Variants in ATP6V0D1 observed in about 807,000 individuals in gnomAD.
The protein encoded by ATP6V0D1 is ATPase H+ transporting V0 subunit d1.
Under a neutral mutation model 39.0 loss-of-function variants are expected in ATP6V0D1, and 13 were observed. That is an observed-to-expected ratio of 0.33 (90% confidence interval 0.22 to 0.53). The LOEUF (loss-of-function observed/expected upper bound fraction) is 0.53. ATP6V0D1 is among the 20% of genes least tolerant of loss of function. The pLI is 0.94. For missense variants in ATP6V0D1, 272 were observed against 470.9 expected (o/e 0.58, Z 3.91); for synonymous variants, 191 against 191.2 (o/e 1.00, Z 0.01).
chr16:67,473,725 G>A (rs565245297), intron 1 of ATP6V0D1, among the ~76,000 whole-genome samples: 3 of 152,112 alleles, frequency 2.0e-5, no homozygotes, highest in South Asian at 2.1e-4. Context: ...GGGTTTCACC[G>A]CATTAGCCAG....
intron 2 of ATP6V0D1, among the ~76,000 whole-genome samples, chr16:67,452,900 A>G (rs1241906678): frequency 6.6e-6 from 1 of 152,222 alleles, no homozygotes; most frequent in Non-Finnish European, 1.5e-5. Flanking sequence ...CAGACAATGA[A>G]GAAGCTGGGG....
chr16:67,471,132 C>T (rs867523510), intron 1 of ATP6V0D1, among the ~76,000 whole-genome samples: 5 of 152,304 alleles, frequency 3.3e-5, no homozygotes, highest in Middle Eastern at 6.8e-3. Context: ...CATATATACA[C>T]TGTGTAATGA....
At chr16:67,470,480 T>C (rs553520604) in intron 1 of ATP6V0D1, among the ~76,000 whole-genome samples, 72 of 152,332 alleles carry the variant, frequency 4.7e-4, no homozygotes, top group African/African-American at 1.6e-3. Context: ...GGTGTCCTCG[T>C]TAGGCCACAC....
chr16:67,452,356 C>T, intron 2 of ATP6V0D1: 1 of 1,535,724 alleles, frequency 6.5e-7, no homozygotes, highest in Non-Finnish European at 8.7e-7. Context: ...GCCTCTGACT[C>T]CTGCCTGAGA....
chr16:67,452,469 C>G, intron 2 of ATP6V0D1: 1 of 1,444,282 alleles, frequency 6.9e-7, no homozygotes, highest in Non-Finnish European at 9.4e-7. Context: ...GCATCTAACT[C>G]TGTCCCTGCA....
chr16:67,455,483 T>C (rs1567538097), intron 1 of ATP6V0D1: 1 of 152,184 alleles, frequency 6.6e-6, no homozygotes, highest in Non-Finnish European at 1.5e-5. Flanking sequence ...ATGACCTCTG[T>C]GGCTCCTGGG....
intron 1 of ATP6V0D1, among the ~76,000 whole-genome samples, chr16:67,460,039 G>A (rs1463766902): frequency 1.3e-5 from 2 of 152,234 alleles, no homozygotes; most frequent in Non-Finnish European, 2.9e-5. Flanking sequence ...CTCTCCTGGG[G>A]AGCTCAGGGG....
Position 67,453,729 on chromosome 16 carries a change from GTAGGGGGTAAGGGCTAGCC to G in ATP6V0D1, c.131-33_131-15del. The G allele has an allele frequency of 1.2e-6, 2 of 1,612,984 alleles. No individual in the cohort carries two copies. The highest frequency in any genetic ancestry group is 1.7e-6 in the Non-Finnish European group (2 of 1,179,684). ...GCAGTTTCAAGTCTGAAACCCAAGG[GTAGGGGGTAAGGGCTAGCC>G]TTGCTGGGCCTCCCCAAGGGTCCCA... is the stretch of plus-strand genomic sequence containing the variant. On this transcript the variant is annotated splice_polypyrimidine_tract_variant and intron_variant, in intron 1 of 7. Transcript: ENST00000290949. The surrounding 1 kb of genome is among the most constrained non-coding windows in gnomAD (Gnocchi z 4.1).
chr16:67,478,094 T>C (rs111483648), intron 1 of ATP6V0D1, among the ~76,000 whole-genome samples: 37 of 152,336 alleles, frequency 2.4e-4, no homozygotes, highest in Admixed American at 3.9e-4. Flanking sequence ...GCTAAGTGTT[T>C]TACATGTTGT....
In ATP6V0D1 at chr16:67,439,803, C is replaced by T. The variant is rs541430992; in HGVS notation, c.562-452G>A. The T allele has an allele frequency of 5.2e-5, 10 of 194,034 alleles. No individual in the cohort carries two copies. The South Asian group carries it at 6.4e-4, about 12-fold the overall frequency. The allele number at this position is 194,034 out of a possible 1,614,324, so 12.0% of individuals were successfully genotyped here. A position where few individuals can be genotyped will look rare whatever the true frequency, so the allele number is the denominator to read the frequency against. On this transcript the variant is annotated intron_variant, in intron 4 of 7. Coordinates refer to ENST00000290949, the MANE Select transcript of ATP6V0D1 (RefSeq NM_004691.5). ...TTGGGAGGCCAAGGCAGGTGGATCACGAGGTCAGTTCAAGACCAGCCTGGT... is the reference window on the plus strand; with the variant it reads ...TTGGGAGGCCAAGGCAGGTGGATCATGAGGTCAGTTCAAGACCAGCCTGGT...
In ATP6V0D1 at chr16:67,444,007, G is replaced by A. The variant is rs1332986064; in HGVS notation, c.481+521C>T. On this transcript the variant is annotated intron_variant, in intron 3 of 7. Coordinates refer to ENST00000290949, the MANE Select transcript of ATP6V0D1 (RefSeq NM_004691.5). This position sits in a 1 kb window ranked among gnomAD's most constrained non-coding sequence, Gnocchi z 4.8. ...GCACTGCCTAAGCAGGGCTCTGCAG[G>A]AAGCTCTTGATTCCCCTTCCCTGGC... Among the ~76,000 whole-genome samples, 1 of 152,216 alleles carries A rather than the reference G, an allele frequency of 6.6e-6. No individual in the cohort carries two copies. The highest frequency in any genetic ancestry group is 2.4e-5 in the African/African-American group (1 of 41,458).
chr16:67,458,159 C>T (rs971214796), intron 1 of ATP6V0D1, among the ~76,000 whole-genome samples: 3 of 152,192 alleles, frequency 2.0e-5, no homozygotes, highest in Non-Finnish European at 4.4e-5. Flanking sequence ...ACCTGGCTCC[C>T]AGACCCAGTG....
At chr16:67,445,801 T>C (rs1427742094) in intron 2 of ATP6V0D1, 1 of 404,414 alleles carries the variant, frequency 2.5e-6, no homozygotes, top group Non-Finnish European at 5.1e-6. Flanking sequence ...CAGAGAGTTC[T>C]GTGTAGTCAC....
At chr16:67,448,127 GCT>G (rs1172015957) in intron 2 of ATP6V0D1, among the ~76,000 whole-genome samples, 1 of 152,158 alleles carries the variant, frequency 6.6e-6, no homozygotes. Flanking sequence ...GAGGTGGGAG[GCT>G]CTCTTAGCTC....
chr16:67,441,648 T>C (rs1400273011), intron 4 of ATP6V0D1: 1 of 152,228 alleles, frequency 6.6e-6, no homozygotes, highest in South Asian at 2.1e-4. Context: ...GTGAGAGCAC[T>C]CACTTTTGCA....
intron 1 of ATP6V0D1, chr16:67,457,270 C>T (rs1439616366): frequency 7.2e-6 from 2 of 277,986 alleles, no homozygotes; most frequent in African/African-American, 2.2e-5. Flanking sequence ...TCAGACAGAA[C>T]ATGAAACCTG....
intron 2 of ATP6V0D1, among the ~76,000 whole-genome samples, chr16:67,445,644 T>C (rs545786803): frequency 6.6e-6 from 1 of 152,240 alleles, no homozygotes; most frequent in East Asian, 1.9e-4. Flanking sequence ...AGGCCGAGGC[T>C]CCCATCACTC....
intron 1 of ATP6V0D1, among the ~76,000 whole-genome samples, chr16:67,471,427 C>T (rs1456486400): frequency 2.0e-5 from 3 of 151,866 alleles, no homozygotes; most frequent in African/African-American, 4.8e-5. Flanking sequence ...TGACCTCAAG[C>T]GATCTACCTG....
intron 1 of ATP6V0D1, among the ~76,000 whole-genome samples, chr16:67,477,076 C>CA (rs1180934875): frequency 0.025 from 1,368 of 55,170 alleles, 8 homozygotes; most frequent in South Asian, 0.055. Context: ...TAAGTATTTA[C>CA]AAAAAAAAAA....
Sources: gnomAD v4.1 joint callset for allele counts (sites outside exome capture counted in the v4.1 genomes callset) on GRCh38, gnomAD v4.1.1 for gene constraint, Gnocchi (gnomAD v3.1) non-coding constraint, MANE v1.5 for transcripts, NCBI Gene and HGNC (gene_info 2026-07-23, HGNC 2026-07-21) for gene names.